ADCY2: variants seen among roughly 807,000 people sequenced by gnomAD.
The protein encoded by ADCY2 is adenylate cyclase 2, also known as adenylate cyclase type 2.
ADCY2 carries 31 observed loss-of-function variants against 125.2 expected under a neutral mutation model. The observed-to-expected ratio is 0.25, with a 90% CI of 0.19 to 0.33. ADCY2 has a LOEUF of 0.33. ADCY2 is among the 10% of genes least tolerant of loss of function. The pLI is 1.00. For missense variants in ADCY2, 904 were observed against 1,418.2 expected, an observed-to-expected ratio of 0.64 and a Z score of 5.82; for synonymous variants, 512 against 548.4, an observed-to-expected ratio of 0.93 and a Z score of 0.93.
chr5:7,626,022 A>C (rs1376358930), intron 3 of ADCY2, 145 bp from the exon 4 acceptor site: 1 of 946,902 alleles, frequency 1.1e-6, no homozygotes, highest in Non-Finnish European at 1.6e-6. Flanking sequence ...TGTTAAGCAA[A>C]TAAAAATGTT....
intron 4 of ADCY2, among the ~76,000 whole-genome samples, chr5:7,644,432 A>C (rs1240204419): frequency 6.6e-6 from 1 of 151,930 alleles, no homozygotes; most frequent in Non-Finnish European, 1.5e-5. Flanking sequence ...TACCCACCAA[A>C]CACACACATT....
intron 3 of ADCY2, among the ~76,000 whole-genome samples, chr5:7,549,687 G>A (rs1014311575): frequency 3.3e-5 from 5 of 152,164 alleles, no homozygotes; most frequent in Admixed American, 1.3e-4. Flanking sequence ...GCCAACATTC[G>A]TTTCTCATTT....
chr5:7,597,681 G>C (rs933649062), intron 3 of ADCY2, among the ~76,000 whole-genome samples: 4 of 152,194 alleles, frequency 2.6e-5, no homozygotes, highest in African/African-American at 9.7e-5. Context: ...GGAGGCTGAG[G>C]TGGGAGGATT....
At chr5:7,643,780 T>A (rs1738794178) in intron 4 of ADCY2, among the ~76,000 whole-genome samples, 1 of 151,940 alleles carries the variant, frequency 6.6e-6, no homozygotes. Context: ...TGATACTTAG[T>A]GTTGTTTCCT....
chr5:7,547,774 T>C (rs1237417092), intron 3 of ADCY2, among the ~76,000 whole-genome samples: 1 of 152,204 alleles, frequency 6.6e-6, no homozygotes, highest in Non-Finnish European at 1.5e-5. Flanking sequence ...CATGGTTTTG[T>C]TTTTGACAAT....
intron 18 of ADCY2, among the ~76,000 whole-genome samples, chr5:7,775,652 A>G (rs1281758131): frequency 6.6e-6 from 1 of 152,156 alleles, no homozygotes; most frequent in African/African-American, 2.4e-5. Context: ...CAGCCTCCCA[A>G]AGTGCTGGGA....
intron 3 of ADCY2, among the ~76,000 whole-genome samples, chr5:7,538,781 A>G (rs1734898414): frequency 6.6e-6 from 1 of 152,102 alleles, no homozygotes; most frequent in Non-Finnish European, 1.5e-5. Flanking sequence ...CATGAAAGGC[A>G]AGCAGAAAGA....
At chr5:7,775,615 T>G (rs1250625842) in intron 18 of ADCY2, among the ~76,000 whole-genome samples, 1 of 152,176 alleles carries the variant, frequency 6.6e-6, no homozygotes, top group Non-Finnish European at 1.5e-5. Context: ...ACTCTTGATC[T>G]CCTGACCTCA....
At chr5:7,533,602 T>A (rs1233322398) in intron 3 of ADCY2, among the ~76,000 whole-genome samples, 1 of 152,164 alleles carries the variant, frequency 6.6e-6, no homozygotes, top group Non-Finnish European at 1.5e-5. Context: ...GGCTATACAT[T>A]TTTCTTCAAA....
chr5:7,715,437 A>G (rs1035267307), intron 11 of ADCY2, among the ~76,000 whole-genome samples: 1 of 152,216 alleles, frequency 6.6e-6, no homozygotes, highest in Non-Finnish European at 1.5e-5. Flanking sequence ...GAAGTCAAGA[A>G]GCTCAAGTCT....
intron 4 of ADCY2, among the ~76,000 whole-genome samples, chr5:7,679,318 G>A (rs2126712725): frequency 6.6e-6 from 1 of 152,336 alleles, no homozygotes; most frequent in South Asian, 2.1e-4. Flanking sequence ...GTCAAAGAAA[G>A]GAGGAGGAAG....
At chr5:7,733,654 C>T (rs1414329539) in intron 14 of ADCY2, among the ~76,000 whole-genome samples, 1 of 152,114 alleles carries the variant, frequency 6.6e-6, no homozygotes, top group African/African-American at 2.4e-5. Context: ...TTCTACAGAG[C>T]TGGGTGGAGA....
intron 3 of ADCY2, among the ~76,000 whole-genome samples, chr5:7,572,507 G>A (rs1167984293): frequency 2.0e-5 from 3 of 151,722 alleles, no homozygotes; most frequent in African/African-American, 7.3e-5. Context: ...TTTTCTTCTT[G>A]TAAATTTGTT....
intron 1 of ADCY2, among the ~76,000 whole-genome samples, chr5:7,405,058 T>TTGAACAA (rs1196089305): frequency 3.0e-4 from 45 of 152,222 alleles, no homozygotes; most frequent in Non-Finnish European, 5.3e-4. Flanking sequence ...TCTGCCATAC[T>TTGAACAA]GTATTGATTG....
intron 2 of ADCY2, among the ~76,000 whole-genome samples, chr5:7,481,735 T>C (rs1212720796): frequency 6.6e-6 from 1 of 152,020 alleles, no homozygotes; most frequent in South Asian, 2.1e-4. Flanking sequence ...GTATATATCT[T>C]CTGCCATCCA....
intron 2 of ADCY2, among the ~76,000 whole-genome samples, chr5:7,512,042 G>A (rs1744080696): frequency 6.6e-6 from 1 of 151,690 alleles, no homozygotes; most frequent in Non-Finnish European, 1.5e-5. Flanking sequence ...ACAACATGGT[G>A]AAACCCCATC....
intron 3 of ADCY2, among the ~76,000 whole-genome samples, chr5:7,571,320 T>G (rs1472443349): frequency 6.6e-6 from 1 of 152,152 alleles, no homozygotes; most frequent in African/African-American, 2.4e-5. Flanking sequence ...AAGTCCTGTT[T>G]GTGTCCAAAA....
intron 2 of ADCY2, among the ~76,000 whole-genome samples, chr5:7,445,627 A>G (rs1463628547): frequency 6.6e-6 from 1 of 152,220 alleles, no homozygotes; most frequent in East Asian, 1.9e-4. Context: ...CCATTTATGC[A>G]TGTCTACATG....
chr5:7,671,586 T>C (rs1415417879), intron 4 of ADCY2, among the ~76,000 whole-genome samples: 1 of 152,160 alleles, frequency 6.6e-6, no homozygotes, highest in Non-Finnish European at 1.5e-5. Flanking sequence ...TGACAGCATA[T>C]GAATCAAACT....
Sources: gnomAD v4.1 joint callset for allele counts (sites outside exome capture counted in the v4.1 genomes callset) on GRCh38, gnomAD v4.1.1 for gene constraint, MANE v1.5 for transcripts, NCBI Gene and HGNC (gene_info 2026-07-23, HGNC 2026-07-21) for gene names.